The following INSL6 variants were observed in gnomAD, a reference collection of about 807,000 sequenced individuals.
INSL6 encodes insulin like 6.
INSL6 carries 16 observed loss-of-function variants against 9.4 expected under a neutral mutation model. The ratio of observed to expected loss-of-function variants is 1.70; its 90% CI spans 1.15 to 2.59. INSL6 has a LOEUF of 2.59. Among genes scored for constraint, INSL6 ranks in the 30% most tolerant of loss-of-function variants. The pLI, the probability that INSL6 is intolerant of heterozygous loss-of-function variation, is 0.00. For synonymous variants in INSL6, 154 were observed against 96.9 expected, an observed-to-expected ratio of 1.59 and a Z score of -3.46; for missense variants, 391 against 257.3, an observed-to-expected ratio of 1.52 and a Z score of -3.56.
downstream of INSL6, among the ~76,000 whole-genome samples, chr9:5,120,519 G>A (rs564984783): frequency 6.6e-6 from 1 of 152,214 alleles, no homozygotes; most frequent in Admixed American, 6.5e-5. Context: ...TAACAATATG[G>A]TTGACGGTAA....
chr9:5,052,693 C>A, the INSL6 span, among the ~76,000 whole-genome samples: 2 of 151,970 alleles, frequency 1.3e-5, no homozygotes, highest in African/African-American at 4.8e-5. Context: ...TTTTTGTTTG[C>A]GTGGATTTTC....
downstream of INSL6, among the ~76,000 whole-genome samples, chr9:5,161,235 C>T (rs938769332): frequency 6.6e-6 from 1 of 152,144 alleles, no homozygotes; most frequent in Non-Finnish European, 1.5e-5. Flanking sequence ...AATCATTCAT[C>T]ATGACCAAGG....
chr9:5,072,141 A>C, the INSL6 span, among the ~76,000 whole-genome samples: 1 of 152,220 alleles, frequency 6.6e-6, no homozygotes, highest in African/African-American at 2.4e-5. Flanking sequence ...TGCAGACCAC[A>C]TTCTCTAGTG....
chr9:5,064,325 T>G, the INSL6 span, among the ~76,000 whole-genome samples: 4 of 151,840 alleles, frequency 2.6e-5, no homozygotes, highest in African/African-American at 9.7e-5. Context: ...AGGTCAGGAG[T>G]TGGAGACCAG....
chr9:5,122,188 T>A (rs1823670802), downstream of INSL6, among the ~76,000 whole-genome samples: 1 of 152,086 alleles, frequency 6.6e-6, no homozygotes. Flanking sequence ...ATTTTTAATA[T>A]CAGTCTAAAA....
At chr9:5,054,473 A>G in the INSL6 span, 2 of 1,102,710 alleles carry the variant, frequency 1.8e-6, no homozygotes, top group Non-Finnish European at 2.6e-6. This position sits in a 1 kb window ranked among gnomAD's most constrained non-coding sequence, Gnocchi z 4.9. Flanking sequence ...TTAATCATGG[A>G]AAAAGGTGGT....
chr9:5,102,118 A>G, the INSL6 span, among the ~76,000 whole-genome samples: 26 of 152,348 alleles, frequency 1.7e-4, no homozygotes, highest in Middle Eastern at 3.4e-3. Flanking sequence ...GTTCAAACCC[A>G]TCGCAAGGAA....
At chr9:5,026,530 A>T in the INSL6 span, among the ~76,000 whole-genome samples, 1 of 152,222 alleles carries the variant, frequency 6.6e-6, no homozygotes, top group African/African-American at 2.4e-5. Flanking sequence ...TGAAAACATA[A>T]CTAGAATAAA....
chr9:5,127,136 A>G (rs1395285840), intron 3 of INSL6: 1 of 268,076 alleles, frequency 3.7e-6, no homozygotes, highest in African/African-American at 2.2e-5. Context: ...TGCAATGTTA[A>G]AGATGCACAG....
chr9:5,170,904 CA>C lies in INSL6; in HGVS notation c.290-6640del, dbSNP rs1354241447. 3.9e-5 allele frequency among the ~76,000 whole-genome samples: 6 copies of C among 152,210 alleles called. No homozygotes were observed. In the South Asian group the frequency reaches 8.3e-4, roughly 21 times the overall value. ...AGATGGATTCACAGCTGAATTCTAC[CA>C]AAAGTACAAAGAGGAGCTGATATTC... On this transcript the variant is annotated intron_variant, in intron 1 of 1. Transcript: ENST00000381641.
In INSL6 at chr9:5,185,413, A is replaced by G; in HGVS notation, c.190T>C (p.Leu64=). ...ACCTTCTCCGAGGCCTGTGCAATCA[A>G]CCGTGAGAAAGGGGTTTCCTCCTCG... is the stretch of plus-strand genomic sequence containing the variant. ...RFEEETPFSR[L]IAQASEKVEA... The change falls in exon 1 of 2, where the codon TTG becomes CTG. Residue 64 remains leucine (L), a synonymous_variant. Coordinates refer to ENST00000381641, the MANE Select transcript of INSL6 (RefSeq NM_007179.3). 3 of 1,614,190 alleles carry G rather than the reference A, an allele frequency of 1.9e-6. No individual in the cohort carries two copies. Among genetic ancestry groups the G allele is most frequent in the Non-Finnish European group, 1.7e-6 (2 of 1,180,034 alleles).
chr9:5,148,918 G>T (rs73401237), intron 2 of INSL6, among the ~76,000 whole-genome samples: 3,859 of 151,464 alleles, frequency 0.025, 154 homozygotes, highest in African/African-American at 0.083. Context: ...CCTGGGAGGT[G>T]CTGGTGGGCA....
the INSL6 span, among the ~76,000 whole-genome samples, chr9:5,036,109 C>A: frequency 3.3e-5 from 5 of 152,186 alleles, no homozygotes; most frequent in Non-Finnish European, 7.3e-5. Flanking sequence ...AGAGCCAAAT[C>A]ATGAGTGAAC....
At chr9:5,043,845 A>C in the INSL6 span, among the ~76,000 whole-genome samples, 1 of 152,242 alleles carries the variant, frequency 6.6e-6, no homozygotes, top group African/African-American at 2.4e-5. Context: ...GAAGGCAGAC[A>C]GAAAGGCCAC....
At chr9:5,111,222 GC>G in the INSL6 span, 5 of 581,386 alleles carry the variant, frequency 8.6e-6, no homozygotes, top group African/African-American at 4.2e-5. Context: ...AGAGCAGCTA[GC>G]GCGGGCCTAT....
the INSL6 span, among the ~76,000 whole-genome samples, chr9:5,073,205 A>G: frequency 7.2e-5 from 11 of 152,224 alleles, no homozygotes; most frequent in Non-Finnish European, 2.9e-5. Context: ...ATTGTGATTC[A>G]CTAATCATAC....
At chr9:4,999,548 G>A in the INSL6 span, among the ~76,000 whole-genome samples, 10 of 152,254 alleles carry the variant, frequency 6.6e-5, no homozygotes, top group East Asian at 9.7e-4. Flanking sequence ...ATATATATGA[G>A]TTTATTAAAT....
chr9:5,100,620 A>C, the INSL6 span: 16 of 152,260 alleles, frequency 1.1e-4, no homozygotes, highest in African/African-American at 3.9e-4. Flanking sequence ...AACGCTTAGA[A>C]GTACCTTTCT....
chr9:5,056,462 T>C, the INSL6 span, among the ~76,000 whole-genome samples: 1 of 152,136 alleles, frequency 6.6e-6, no homozygotes, highest in Non-Finnish European at 1.5e-5. Flanking sequence ...TAAGTATTTA[T>C]ATGGCTTACC....
Sources: gnomAD v4.1 joint callset for allele counts (sites outside exome capture counted in the v4.1 genomes callset) on GRCh38, gnomAD v4.1.1 for gene constraint, Gnocchi (gnomAD v3.1) non-coding constraint, MANE v1.5 for transcripts, NCBI Gene and HGNC (gene_info 2026-07-23, HGNC 2026-07-21) for gene names.